Variants in RAB3C observed in about 807,000 individuals in gnomAD.
The protein encoded by RAB3C is ras-related protein Rab-3C.
Under a neutral mutation model 26.4 loss-of-function variants are expected in RAB3C, and 17 were observed. That is an observed-to-expected ratio of 0.64 (90% CI 0.44 to 0.97). The LOEUF is 0.97. Ranked by LOEUF, RAB3C falls within the 50% of genes least tolerant of loss-of-function variation. RAB3C has a pLI of 0.00. For synonymous variants in RAB3C, 91 were observed against 95.9 expected (o/e 0.95, Z 0.30); for missense variants, 242 against 281.9 (o/e 0.86, Z 1.01).
At chr5:58,685,133 T>C (rs558176584) in intron 2 of RAB3C, among the ~76,000 whole-genome samples, 2 of 152,266 alleles carry the variant, frequency 1.3e-5, no homozygotes, top group South Asian at 2.1e-4. Flanking sequence ...TAATCCCTCA[T>C]AGATACCAAA....
chr5:58,627,265 C>T (rs1747072726), intron 2 of RAB3C, among the ~76,000 whole-genome samples: 1 of 151,988 alleles, frequency 6.6e-6, no homozygotes, highest in Non-Finnish European at 1.5e-5. Flanking sequence ...GAGCTGTGTC[C>T]ATGCCACCAG....
chr5:58,817,667 C>T (rs1253429701), intron 3 of RAB3C, among the ~76,000 whole-genome samples: 2 of 152,056 alleles, frequency 1.3e-5, no homozygotes, highest in African/African-American at 4.8e-5. Flanking sequence ...TAATACGCAG[C>T]CCTGATAGCA....
intron 3 of RAB3C, among the ~76,000 whole-genome samples, chr5:58,810,431 CTTTGT>C (rs764030241): frequency 1.2e-4 from 18 of 148,732 alleles, no homozygotes; most frequent in African/African-American, 2.0e-4. Context: ...TTAGAAGTTA[CTTTGT>C]TTTGTTTTGT....
At chr5:58,796,576 A>C (rs1294996005) in intron 3 of RAB3C, among the ~76,000 whole-genome samples, 1 of 152,236 alleles carries the variant, frequency 6.6e-6, no homozygotes, top group Non-Finnish European at 1.5e-5. Flanking sequence ...GATTATTTAC[A>C]AAAGTGTTGG....
intron 1 of RAB3C, among the ~76,000 whole-genome samples, chr5:58,588,363 A>G (rs1216594739): frequency 6.6e-6 from 1 of 152,182 alleles, no homozygotes; most frequent in Non-Finnish European, 1.5e-5. Context: ...CTTCAACAGC[A>G]TGTAATGTCA....
At chr5:58,711,112 C>T (rs1749050796) in intron 2 of RAB3C, among the ~76,000 whole-genome samples, 1 of 152,164 alleles carries the variant, frequency 6.6e-6, no homozygotes, top group Admixed American at 6.5e-5. Context: ...TTCATCTTTG[C>T]ATTCTGTTCT....
intron 3 of RAB3C, among the ~76,000 whole-genome samples, chr5:58,824,591 A>G (rs1743431932): frequency 6.6e-6 from 1 of 152,116 alleles, no homozygotes; most frequent in Admixed American, 6.5e-5. Flanking sequence ...AAGGGAAAAT[A>G]TTGTTTTCGT....
intron 2 of RAB3C, among the ~76,000 whole-genome samples, chr5:58,669,499 A>G (rs896160150): frequency 1.3e-5 from 2 of 152,144 alleles, no homozygotes; most frequent in African/African-American, 4.8e-5. Flanking sequence ...AATTCAAGGT[A>G]ACACTAACAG....
At chr5:58,745,953 C>G (rs543169634) in intron 3 of RAB3C, among the ~76,000 whole-genome samples, 55 of 152,200 alleles carry the variant, frequency 3.6e-4, no homozygotes, top group African/African-American at 1.3e-3. Context: ...ATGCCCAAGC[C>G]CAATCTTATC....
intron 2 of RAB3C, among the ~76,000 whole-genome samples, chr5:58,724,324 T>C (rs536474267): frequency 6.6e-6 from 1 of 151,978 alleles, no homozygotes; most frequent in South Asian, 2.1e-4. Context: ...CTTGGCCACA[T>C]TCCTCGGCTA....
intron 4 of RAB3C, among the ~76,000 whole-genome samples, chr5:58,834,021 G>T (rs998589190): frequency 6.6e-6 from 1 of 152,116 alleles, no homozygotes; most frequent in African/African-American, 2.4e-5. Flanking sequence ...GATAACACAA[G>T]AAATTAGTTC....
chr5:58,837,611 T>G lies in RAB3C; in HGVS notation c.496+12449T>G, dbSNP rs182516969. On this transcript the variant is annotated intron_variant, in intron 4 of 4. Coordinates refer to ENST00000282878, the MANE Select transcript of RAB3C (RefSeq NM_138453.4). ...TCTTACTCTGTCACCCAGGCTGGAG[T>G]GCAGTGGCACAATGTAGGATCACTG... 2.7e-5 allele frequency among the ~76,000 whole-genome samples: 4 copies of G among 146,222 alleles called. No homozygotes were observed. In the East Asian group the frequency reaches 8.0e-4, roughly 29 times the overall value.
chr5:58,698,266 G>C (rs954976073), intron 2 of RAB3C, among the ~76,000 whole-genome samples: 16 of 152,242 alleles, frequency 1.1e-4, no homozygotes, highest in South Asian at 6.2e-4. Flanking sequence ...ACTCTCTTCT[G>C]GCTTGTAGGG....
rs549791404 is a variant in RAB3C, at chr5:58,859,126, C to A, written c.*7775C>A. On this transcript the variant is annotated 3_prime_UTR_variant, in exon 5 of 5. Transcript: ENST00000282878. ...CAGCTTAATGCTTTCATATAGTGAC[C>A]GACATTTAGTTGAAAACTACTGCTG... 4 of 152,148 alleles carry A rather than the reference C, an allele frequency of 2.6e-5. No individual in the cohort carries two copies. Among genetic ancestry groups the A allele is most frequent in the Non-Finnish European group, 5.9e-5 (4 of 68,042 alleles). The allele number at this position is 152,148 out of a possible 1,614,324, so 9.4% of individuals were successfully genotyped here.
chr5:58,748,471 A>T (rs2111958656), intron 3 of RAB3C, among the ~76,000 whole-genome samples: 1 of 152,280 alleles, frequency 6.6e-6, no homozygotes, highest in Middle Eastern at 3.4e-3. Flanking sequence ...CCATTGCTGT[A>T]AAATAGAATA....
chr5:58,813,629 TATATACAC>T (rs202231947), intron 3 of RAB3C, among the ~76,000 whole-genome samples: 1,197 of 12,666 alleles, frequency 0.095, 17 homozygotes, highest in Non-Finnish European at 0.17. Context: ...TATATATATA[TATATACAC>T]ACACACACAC....
chr5:58,694,100 A>G (rs1156786405), intron 2 of RAB3C, among the ~76,000 whole-genome samples: 1 of 151,856 alleles, frequency 6.6e-6, no homozygotes, highest in Non-Finnish European at 1.5e-5. Context: ...CACCCCCACA[A>G]CAGGCCCTGG....
At position 58,617,831 on chromosome 5, in the gene RAB3C, T is replaced by C. The variant is rs1291624265; in HGVS notation, c.213T>C (p.Thr71=). 6.2e-7 allele frequency: 1 copy of C among 1,612,508 alleles called. No homozygotes were observed. The highest frequency in any genetic ancestry group is 2.2e-5 in the East Asian group (1 of 44,850). ...STVGIDFKVK[T]VFKNEKRIKL... Reference sequence around the variant, plus strand: ...TTGGGATCGATTTCAAAGTAAAAACTGTATTCAAAAATGAAAAGAGAATCA... The same window carrying C: ...TTGGGATCGATTTCAAAGTAAAAACCGTATTCAAAAATGAAAAGAGAATCA... The change falls in exon 2 of 5, where the codon ACT becomes ACC. Residue 71 remains threonine (T), a synonymous_variant. Coordinates refer to ENST00000282878, the MANE Select transcript of RAB3C (RefSeq NM_138453.4).
intron 3 of RAB3C, among the ~76,000 whole-genome samples, chr5:58,747,649 A>G (rs541714041): frequency 2.2e-4 from 33 of 152,160 alleles, no homozygotes; most frequent in African/African-American, 7.9e-4. Flanking sequence ...ATTGCACAAT[A>G]TGGATTCATT....
Sources: allele counts gnomAD v4.1 joint callset (sites outside exome capture counted in the v4.1 genomes callset), GRCh38; gene constraint gnomAD v4.1.1; transcripts MANE v1.5; gene names NCBI Gene and HGNC (gene_info 2026-07-23, HGNC 2026-07-21).